Variants in KCNIP4 observed in about 807,000 individuals in gnomAD.
KCNIP4 encodes Kv channel-interacting protein 4.
A neutral mutation model predicts 34.0 loss-of-function variants in KCNIP4; 12 were observed. The ratio of observed to expected loss-of-function variants is 0.35; its 90% CI spans 0.23 to 0.57. The LOEUF (loss-of-function observed/expected upper bound fraction) is 0.57, where lower values mean the gene tolerates loss of function less well. KCNIP4 is among the 20% of genes least tolerant of loss of function. The probability of loss-of-function intolerance (pLI) is 0.83; values close to 1 mark genes in which losing one functional copy is unlikely to be tolerated. For synonymous variants in KCNIP4, 124 were observed against 102.2 expected (o/e 1.21, Z -1.29); for missense variants, 238 against 311.7 (o/e 0.76, Z 1.78).
chr4:20,924,976 G>A (rs924400202), intron 1 of KCNIP4, among the ~76,000 whole-genome samples: 3 of 152,078 alleles, frequency 2.0e-5, no homozygotes, highest in African/African-American at 7.2e-5. Context: ...TGCCTACTCT[G>A]CCTTAAAATA....
intron 1 of KCNIP4, among the ~76,000 whole-genome samples, chr4:21,337,916 G>T (rs1560302943): frequency 6.6e-6 from 1 of 152,242 alleles, no homozygotes; most frequent in East Asian, 1.9e-4. Context: ...TTCCACCCGT[G>T]TAAGTGTCTT....
At chr4:20,899,630 A>G (rs1291489776) in intron 1 of KCNIP4, among the ~76,000 whole-genome samples, 1 of 152,204 alleles carries the variant, frequency 6.6e-6, no homozygotes, top group Non-Finnish European at 1.5e-5. Context: ...CAAGTCTTAC[A>G]CTATTTGCAA....
chr4:21,847,576 G>A (rs529154276), intron 1 of KCNIP4: 1 of 152,114 alleles, frequency 6.6e-6, no homozygotes, highest in African/African-American at 2.4e-5. Context: ...ACACGCAGAA[G>A]TACTTCATAT....
chr4:21,498,679 T>C (rs984055521), intron 1 of KCNIP4, among the ~76,000 whole-genome samples: 1 of 152,180 alleles, frequency 6.6e-6, no homozygotes, highest in Non-Finnish European at 1.5e-5. Flanking sequence ...CATATTTTTT[T>C]CACTTCTTAG....
At chr4:21,187,249 T>C (rs1304861651) in intron 1 of KCNIP4, among the ~76,000 whole-genome samples, 1 of 152,214 alleles carries the variant, frequency 6.6e-6, no homozygotes, top group East Asian at 1.9e-4. Context: ...CCTGCTATTT[T>C]ATATGTATAC....
At chr4:21,670,958 G>A (rs983745113) in intron 1 of KCNIP4, among the ~76,000 whole-genome samples, 16 of 147,326 alleles carry the variant, frequency 1.1e-4, no homozygotes, top group Non-Finnish European at 2.0e-4. Context: ...GCCGGGCTGA[G>A]TAAACTTTTT....
intron 1 of KCNIP4, among the ~76,000 whole-genome samples, chr4:21,784,809 T>C (rs1577984459): frequency 6.6e-6 from 1 of 152,190 alleles, no homozygotes; most frequent in East Asian, 1.9e-4. Flanking sequence ...GTCCTAAATT[T>C]AGTTTCTTTC....
At position 20,730,138 on chromosome 4, in the gene KCNIP4, G is replaced by T; in HGVS notation, c.706-9C>A. The T allele has an allele frequency of 6.2e-7, 1 of 1,601,880 alleles. No homozygotes were observed. The highest frequency in any genetic ancestry group is 1.3e-5 in the African/African-American group (1 of 74,536). ...CGCATTATGTTTTCATCCTGTAAGG[G>T]AGAAACACAGAGCGATTAAATTCAG... On this transcript the variant is annotated splice_polypyrimidine_tract_variant and intron_variant, in intron 8 of 8. Transcript: ENST00000382152.
rs371357365 is a variant in KCNIP4 at position 20,929,391 on chromosome 4, T to C, written c.62-46682A>G. On this transcript the variant is annotated intron_variant, in intron 1 of 8. Transcript: ENST00000382152. ...AGAAAGAAAATTTCTCAACATAATA[T>C]AATAAAGGTGATTTATGAAAAATCC... is the stretch of plus-strand genomic sequence containing the variant. Among the ~76,000 whole-genome samples, 53 of 152,054 alleles carry C rather than the reference T, an allele frequency of 3.5e-4. No homozygotes were observed. In the South Asian group the frequency reaches 0.01, roughly 30 times the overall value.
intron 1 of KCNIP4, among the ~76,000 whole-genome samples, chr4:21,737,026 A>T (rs115848505): frequency 0.022 from 2,446 of 109,486 alleles, 68 homozygotes; most frequent in African/African-American, 0.063. Context: ...ATAATAATAA[A>T]AAAAAGAAAG....
intron 1 of KCNIP4, among the ~76,000 whole-genome samples, chr4:21,408,015 G>C (rs535192154): frequency 6.6e-6 from 1 of 152,166 alleles, no homozygotes; most frequent in South Asian, 2.1e-4. Context: ...TCTTTCTATG[G>C]ATAATTTACA....
At chr4:20,897,637 T>C (rs1726700546) in intron 1 of KCNIP4, among the ~76,000 whole-genome samples, 1 of 151,812 alleles carries the variant, frequency 6.6e-6, no homozygotes, top group Admixed American at 6.6e-5. Context: ...CCTGATCCAA[T>C]ATGATTGGTG....
intron 1 of KCNIP4, among the ~76,000 whole-genome samples, chr4:21,394,813 A>C (rs1722849578): frequency 6.6e-6 from 1 of 152,060 alleles, no homozygotes; most frequent in African/African-American, 2.4e-5. Flanking sequence ...CAGGGTGTAC[A>C]TTTTCACCCT....
rs79319533 is a variant in KCNIP4, at chr4:21,560,438, T to G, written c.61+388133A>C. On this transcript the variant is annotated intron_variant, in intron 1 of 8. Coordinates refer to ENST00000382152, the MANE Select transcript of KCNIP4 (RefSeq NM_025221.6). Reference sequence around the variant, plus strand: ...AGATCAAAGTTCAGAAAATTAAATATTCACAAATACAGCTCATTTTACAAA... The same window carrying G: ...AGATCAAAGTTCAGAAAATTAAATAGTCACAAATACAGCTCATTTTACAAA... Among the ~76,000 whole-genome samples the G allele has an allele frequency of 6.3e-3, 959 of 152,214 alleles. 5 individuals carry two copies. Among genetic ancestry groups the G allele is most frequent in the Non-Finnish European group, 0.012 (796 of 67,978 alleles).
At chr4:21,166,414 T>C (rs1753627915) in intron 1 of KCNIP4, among the ~76,000 whole-genome samples, 1 of 152,064 alleles carries the variant, frequency 6.6e-6, no homozygotes. Context: ...TCATACCAAG[T>C]ATGGTGAGGA....
intron 1 of KCNIP4, among the ~76,000 whole-genome samples, chr4:21,230,458 A>G (rs1321566737): frequency 6.6e-6 from 1 of 152,160 alleles, no homozygotes; most frequent in Non-Finnish European, 1.5e-5. Flanking sequence ...CTAGGAGTTA[A>G]GTCCCGCGTG....
At chr4:21,016,715 C>A (rs115827851) in intron 1 of KCNIP4, among the ~76,000 whole-genome samples, 3,828 of 152,210 alleles carry the variant, frequency 0.025, 78 homozygotes, top group Non-Finnish European at 0.039. Flanking sequence ...TGGGTTCAAG[C>A]AATTCTCCTG....
intron 3 of KCNIP4, among the ~76,000 whole-genome samples, chr4:20,830,589 G>T (rs1302711973): frequency 1.3e-5 from 2 of 152,136 alleles, no homozygotes; most frequent in Admixed American, 6.6e-5. Flanking sequence ...GCCTTGGGAA[G>T]TTTCTAAACT....
intron 1 of KCNIP4, among the ~76,000 whole-genome samples, chr4:21,329,944 T>C (rs995192322): frequency 6.6e-6 from 1 of 152,194 alleles, no homozygotes; most frequent in Non-Finnish European, 1.5e-5. Flanking sequence ...GCTCAAGGCC[T>C]CCTTAAGTAG....
Sources: gnomAD v4.1 joint callset for allele counts (sites outside exome capture counted in the v4.1 genomes callset) on GRCh38, gnomAD v4.1.1 for gene constraint, MANE v1.5 for transcripts, NCBI Gene and HGNC (gene_info 2026-07-23, HGNC 2026-07-21) for gene names.